Variants in HHAT observed in about 807,000 individuals in gnomAD.
The protein encoded by HHAT is protein-cysteine N-palmitoyltransferase HHAT.
In HHAT, 47 loss-of-function variants were observed where a neutral mutation model predicts 70.8. The ratio of observed to expected loss-of-function variants is 0.66; its 90% CI spans 0.53 to 0.85. The LOEUF is 0.85. Ranked by LOEUF, HHAT falls within the 40% of genes least tolerant of loss-of-function variation. HHAT has a pLI of 0.00. For synonymous variants in HHAT, 228 were observed against 247.6 expected, an observed-to-expected ratio of 0.92 and a Z score of 0.74; for missense variants, 609 against 604.8, an observed-to-expected ratio of 1.01 and a Z score of -0.07.
At chr1:210,624,115 C>G (rs1173115384) in intron 11 of HHAT, among the ~76,000 whole-genome samples, 1 of 151,932 alleles carries the variant, frequency 6.6e-6, no homozygotes, top group Non-Finnish European at 1.5e-5. Flanking sequence ...ATGGATTAAC[C>G]CATTCATGGA....
At chr1:210,662,922 A>G (rs1209891619) in intron 11 of HHAT, among the ~76,000 whole-genome samples, 1 of 152,112 alleles carries the variant, frequency 6.6e-6, no homozygotes, top group Non-Finnish European at 1.5e-5. Context: ...TGTGCTGGTT[A>G]AAATGTGCAC....
At chr1:210,535,858 A>G (rs2095366944) in intron 9 of HHAT, among the ~76,000 whole-genome samples, 1 of 152,242 alleles carries the variant, frequency 6.6e-6, no homozygotes, top group Non-Finnish European at 1.5e-5. Flanking sequence ...ACATGCAAAT[A>G]TGCTAAAAGC....
At chr1:210,608,478 T>A (rs557231551) in intron 10 of HHAT, among the ~76,000 whole-genome samples, 1 of 152,202 alleles carries the variant, frequency 6.6e-6, no homozygotes, top group Non-Finnish European at 1.5e-5. Context: ...TGTCCTGATT[T>A]CTGCTAGGGA....
At chr1:210,612,098 T>G (rs1396146322) in intron 10 of HHAT, among the ~76,000 whole-genome samples, 2 of 152,186 alleles carry the variant, frequency 1.3e-5, no homozygotes, top group Non-Finnish European at 2.9e-5. Context: ...CACCTGCGTT[T>G]GAAAACTGCA....
intron 3 of HHAT, among the ~76,000 whole-genome samples, chr1:210,385,961 G>C (rs1003018202): frequency 6.6e-6 from 1 of 151,948 alleles, no homozygotes; most frequent in African/African-American, 2.4e-5. Flanking sequence ...GAGTAGATCT[G>C]GGCTCTGGAC....
chr1:210,627,688 G>A (rs1413420205), intron 11 of HHAT, among the ~76,000 whole-genome samples: 1 of 152,124 alleles, frequency 6.6e-6, no homozygotes, highest in Non-Finnish European at 1.5e-5. Flanking sequence ...TGAGGTTGAA[G>A]AAGTAGTGTT....
intron 9 of HHAT, among the ~76,000 whole-genome samples, chr1:210,562,991 C>G (rs934054500): frequency 6.6e-6 from 1 of 152,158 alleles, no homozygotes; most frequent in Admixed American, 6.5e-5. Flanking sequence ...GTTTTATTGC[C>G]TCCACTAAGG....
At chr1:210,424,704 T>C (rs2093009639) in intron 7 of HHAT, among the ~76,000 whole-genome samples, 1 of 152,208 alleles carries the variant, frequency 6.6e-6, no homozygotes, top group Non-Finnish European at 1.5e-5. Context: ...GGCTGCATAG[T>C]ATTCCATGGT....
intron 3 of HHAT, among the ~76,000 whole-genome samples, chr1:210,379,856 T>C (rs2090499197): frequency 6.6e-6 from 1 of 152,248 alleles, no homozygotes. Context: ...ATTGTAATAC[T>C]ACTGTACTTT....
chr1:210,337,432 T>C (rs2085601231), intron 1 of HHAT, among the ~76,000 whole-genome samples: 1 of 152,180 alleles, frequency 6.6e-6, no homozygotes, highest in Non-Finnish European at 1.5e-5. Flanking sequence ...AAAACACACA[T>C]TTATTACCTT....
At chr1:210,499,721 C>T (rs572034781) in intron 8 of HHAT, among the ~76,000 whole-genome samples, 4 of 151,994 alleles carry the variant, frequency 2.6e-5, no homozygotes, top group African/African-American at 9.7e-5. Context: ...GAAAGAGATG[C>T]CCAAGGAGAC....
intron 9 of HHAT, among the ~76,000 whole-genome samples, chr1:210,523,949 A>G (rs2095203511): frequency 6.6e-6 from 1 of 152,240 alleles, no homozygotes; most frequent in African/African-American, 2.4e-5. Context: ...GTGTGTGATG[A>G]CATGCGTGAG....
intron 1 of HHAT, among the ~76,000 whole-genome samples, chr1:210,330,850 G>C (rs530299512): frequency 6.6e-6 from 1 of 152,136 alleles, no homozygotes; most frequent in Non-Finnish European, 1.5e-5. Context: ...CAAGAGTCTC[G>C]CTGGGTCACC....
At chr1:210,330,230 C>G (rs1396164476) in intron 1 of HHAT, among the ~76,000 whole-genome samples, 1 of 152,172 alleles carries the variant, frequency 6.6e-6, no homozygotes, top group Non-Finnish European at 1.5e-5. Context: ...TCCCTCCTTT[C>G]TCGTTGCCAG....
At chr1:210,587,488 G>T (rs568947101) in intron 9 of HHAT, among the ~76,000 whole-genome samples, 1 of 152,282 alleles carries the variant, frequency 6.6e-6, no homozygotes, top group South Asian at 2.1e-4. Flanking sequence ...TTCAAGATGA[G>T]ATTTGGGTGG....
chr1:210,542,496 A>AAAATAT lies in HHAT; in HGVS notation c.1043+29309_1043+29310insAATATA, dbSNP rs56743887. Among the ~76,000 whole-genome samples, 772 of 149,436 alleles carry AAAATAT rather than the reference A, an allele frequency of 5.2e-3. 2 individuals are homozygous for AAAATAT. Among genetic ancestry groups the AAAATAT allele is most frequent in the Middle Eastern group, 0.014 (4 of 282 alleles). On this transcript the variant is annotated intron_variant, in intron 9 of 11. Coordinates refer to ENST00000261458, the MANE Select transcript of HHAT (RefSeq NM_018194.6). ...GCATCAGTGTTTTAGTTAAAAAAAA[A>AAAATAT]ATATATATATATATATATTGGTTGG...
At chr1:210,581,796 C>G (rs1041578596) in intron 9 of HHAT, among the ~76,000 whole-genome samples, 4 of 152,162 alleles carry the variant, frequency 2.6e-5, no homozygotes, top group African/African-American at 9.7e-5. Context: ...ATTTCTGTTG[C>G]TTATAATGGG....
In HHAT at chr1:210,623,591, G is replaced by A. The variant is rs761262503; in HGVS notation, c.1311G>A (p.Ser437=). ...FHAALASCST[S]MLILSNLVFL... ...CTGCCCTTGCTTCTTGTTCCACCTC[G>A]ATGCTGATCCTGTCCAACCTGGTAT... is the stretch of plus-strand genomic sequence containing the variant. Residue 437 remains serine (S), a synonymous_variant, in exon 11 of 12, where the codon TCG becomes TCA. Transcript: ENST00000261458. The A allele has an allele frequency of 6.6e-5, 107 of 1,613,878 alleles. 1 individual carries two copies. Among genetic ancestry groups the A allele is most frequent in the South Asian group, 1.6e-4 (15 of 91,048 alleles).
intron 10 of HHAT, among the ~76,000 whole-genome samples, chr1:210,596,417 G>C (rs1309240954): frequency 1.3e-5 from 2 of 152,122 alleles, no homozygotes; most frequent in Non-Finnish European, 2.9e-5. Flanking sequence ...TTCTACCCCT[G>C]TCTTTTCCTT....
Sources: allele counts gnomAD v4.1 joint callset (sites outside exome capture counted in the v4.1 genomes callset), GRCh38; gene constraint gnomAD v4.1.1; transcripts MANE v1.5; gene names NCBI Gene and HGNC (gene_info 2026-07-23, HGNC 2026-07-21).